IL16: variants seen among roughly 807,000 people sequenced by gnomAD.
IL16 encodes the protein pro-interleukin-16.
A neutral mutation model predicts 110.1 loss-of-function variants in IL16; 67 were observed. That is an observed-to-expected ratio of 0.61 (90% confidence interval 0.50 to 0.75). IL16 has a LOEUF of 0.75. IL16 is among the 30% of genes least tolerant of loss of function. The pLI is 0.00. For synonymous variants in IL16, 689 were observed against 662.9 expected (o/e 1.04, Z -0.61); for missense variants, 1,545 against 1,655.0 (o/e 0.93, Z 1.15).
In IL16 at chr15:81,312,179, T is replaced by A. The variant is rs1232936092; in HGVS notation, c.*3381T>A. The A allele has an allele frequency of 6.6e-6, 1 of 152,190 alleles. No individual in the cohort carries two copies. The highest frequency in any genetic ancestry group is 6.5e-5 in the Admixed American group (1 of 15,270). The allele number at this position is 152,190 out of a possible 1,614,324, so 9.4% of individuals were successfully genotyped here. On this transcript the variant is annotated 3_prime_UTR_variant, in exon 19 of 19. Transcript: ENST00000683961. ...AATGTTAGAGGATCCCTCTCTGGAT[T>A]GGAGATAGGGAAAGAAAGTTGCACG...
intron 13 of IL16, 75 bp downstream of exon 13, chr15:81,297,153 T>C (rs1453827257): frequency 3.4e-6 from 5 of 1,459,398 alleles, no homozygotes; most frequent in Admixed American, 4.1e-5. Flanking sequence ...AGAGCACAAA[T>C]TGGCCTGAGG....
chr15:81,286,880 A>C (rs1899475339), intron 10 of IL16, among the ~76,000 whole-genome samples: 1 of 152,254 alleles, frequency 6.6e-6, no homozygotes, highest in South Asian at 2.1e-4. Context: ...CAATCACAGC[A>C]GAAGGTGAAA....
intron 5 of IL16, among the ~76,000 whole-genome samples, chr15:81,272,709 TATC>T (rs1419720627): frequency 2.0e-5 from 3 of 152,188 alleles, no homozygotes; most frequent in Non-Finnish European, 4.4e-5. Flanking sequence ...AGTTAGGTAA[TATC>T]ATTATTATTT....
At chr15:81,254,642 T>G (rs1035339648) in intron 2 of IL16, among the ~76,000 whole-genome samples, 2 of 152,164 alleles carry the variant, frequency 1.3e-5, no homozygotes, top group Non-Finnish European at 2.9e-5. Flanking sequence ...AAAATGTGTT[T>G]AGAAATGATT....
At chr15:81,191,221 C>G (rs1368923010) in intron 1 of IL16, among the ~76,000 whole-genome samples, 3 of 152,206 alleles carry the variant, frequency 2.0e-5, no homozygotes, top group Non-Finnish European at 2.9e-5. Context: ...GTCATGAATG[C>G]TCTTGGAACT....
chr15:81,281,618 C>T (rs1347312900), intron 8 of IL16, among the ~76,000 whole-genome samples: 5 of 152,200 alleles, frequency 3.3e-5, no homozygotes, highest in Non-Finnish European at 1.5e-5. Flanking sequence ...CAGCACATTG[C>T]ACATGTCATT....
At chr15:81,263,416 C>G (rs1023502637) in intron 3 of IL16, among the ~76,000 whole-genome samples, 26 of 146,286 alleles carry the variant, frequency 1.8e-4, no homozygotes, top group African/African-American at 5.4e-4. Context: ...ACTTAATACT[C>G]TACACTTAAC....
intron 2 of IL16, among the ~76,000 whole-genome samples, chr15:81,252,615 T>C (rs2142152617): frequency 6.6e-6 from 1 of 152,300 alleles, no homozygotes; most frequent in South Asian, 2.1e-4. Flanking sequence ...AGAAACCTCC[T>C]GCCCATTAGC....
intron 16 of IL16, chr15:81,305,687 G>A: frequency 1.7e-6 from 1 of 581,580 alleles, no homozygotes; most frequent in Non-Finnish European, 3.0e-6. Flanking sequence ...GATGGATTCT[G>A]AGGGCTTACC....
intron 2 of IL16, among the ~76,000 whole-genome samples, chr15:81,232,534 T>A (rs568579194): frequency 9.7e-4 from 147 of 152,284 alleles, no homozygotes; most frequent in African/African-American, 3.4e-3. Flanking sequence ...TGGCAGAGGT[T>A]TTATTTTGCC....
At chr15:81,292,293 T>C (rs1429639805) in intron 11 of IL16, 1 of 508,082 alleles carries the variant, frequency 2.0e-6, no homozygotes, top group African/African-American at 1.9e-5. Context: ...ACCAAGCCCT[T>C]CCTCGATGGG....
intron 1 of IL16, among the ~76,000 whole-genome samples, chr15:81,213,006 C>T (rs576035244): frequency 1.3e-5 from 2 of 152,154 alleles, no homozygotes; most frequent in South Asian, 4.2e-4. Context: ...TTTAATTTCT[C>T]GATGAAGGTG....
upstream of IL16, among the ~76,000 whole-genome samples, chr15:81,192,064 T>G (rs1057196079): frequency 6.6e-6 from 1 of 152,178 alleles, no homozygotes; most frequent in South Asian, 2.1e-4. Flanking sequence ...GCTATGCACT[T>G]GTCAGAACCC....
Position 81,313,464 on chromosome 15 carries a change from C to T in IL16, c.*4666C>T, listed in dbSNP as rs1900976800. ...CAGCAGAGGTGCTGGGGACGAGCGCCAGGCAGGTGAGCAGAGCCCAGCCCA... is the reference window on the plus strand; with the variant it reads ...CAGCAGAGGTGCTGGGGACGAGCGCTAGGCAGGTGAGCAGAGCCCAGCCCA... On this transcript the variant is annotated 3_prime_UTR_variant, in exon 19 of 19. Transcript: ENST00000683961. 1.4e-6 allele frequency: 2 copies of T among 1,431,944 alleles called. No homozygotes were observed. The highest frequency in any genetic ancestry group is 9.2e-7 in the Non-Finnish European group (1 of 1,085,094). The allele number at this position is 1,431,944 out of a possible 1,614,324, so 88.7% of individuals were successfully genotyped here. A position where few individuals can be genotyped will look rare whatever the true frequency, so the allele number is the denominator to read the frequency against.
chr15:81,289,196 G>A lies in IL16; in HGVS notation c.1333-1257G>A, dbSNP rs983886904. Among the ~76,000 whole-genome samples the A allele has an allele frequency of 2.0e-5, 3 of 151,916 alleles. No individual in the cohort carries two copies. In the East Asian group the frequency reaches 5.8e-4, roughly 29 times the overall value. On this transcript the variant is annotated intron_variant, in intron 10 of 18. Transcript: ENST00000683961. ...GAGTCTCACTCTGTCACCCAGGCTC[G>A]AGCGCAGTGGCACGATCTTGGCTCA...
Position 81,299,685 on chromosome 15 carries a change from C to T in IL16, c.2359C>T (p.Pro787Ser), listed in dbSNP as rs1232671785. 8 of 1,614,192 alleles carry T rather than the reference C, an allele frequency of 5.0e-6. No homozygotes were observed. The highest frequency in any genetic ancestry group is 4.2e-6 in the Non-Finnish European group (5 of 1,180,052). The stretch of plus-strand genomic sequence containing the variant: ...TGTGAAGAAAGGTCCTCCTGTGGCT[C>T]CCAAGCCAGCCTGGTTTCGCCAAAG... Reference protein sequence around the residue: ...STVKKGPPVAPKPAWFRQSLK... With the variant: ...STVKKGPPVASKPAWFRQSLK... The change falls in exon 14 of 19, where the codon CCC becomes TCC. Residue 787 changes from proline to serine, a missense_variant. Transcript: ENST00000683961.
At chr15:81,302,992 C>G (rs1458260291) in intron 15 of IL16, among the ~76,000 whole-genome samples, 2 of 149,874 alleles carry the variant, frequency 1.3e-5, no homozygotes, top group African/African-American at 5.0e-5. Context: ...GAGTCCCCGT[C>G]TAGGCTAGGA....
At chr15:81,306,590 A>G (rs906568004) in intron 18 of IL16, 45 bp downstream of exon 18, 5 of 1,605,056 alleles carry the variant, frequency 3.1e-6, no homozygotes, top group Admixed American at 1.7e-5. Context: ...AGTTGTGGGC[A>G]TGTGGCCAGG....
intron 5 of IL16, 88 bp from the exon 6 acceptor site, chr15:81,273,002 A>C: frequency 1.0e-6 from 1 of 986,612 alleles, no homozygotes; most frequent in African/African-American, 1.6e-5. Context: ...CCCTTTGTTC[A>C]GGGCTGAGGC....
Sources: allele counts gnomAD v4.1 joint callset (sites outside exome capture counted in the v4.1 genomes callset), GRCh38; gene constraint gnomAD v4.1.1; transcripts MANE v1.5; gene names NCBI Gene and HGNC (gene_info 2026-07-23, HGNC 2026-07-21).